DNAJC16: variants seen among roughly 807,000 people sequenced by gnomAD.
DNAJC16 encodes dnaJ homolog subfamily C member 16.
Under a neutral mutation model 92.7 loss-of-function variants are expected in DNAJC16, and 76 were observed. The ratio of observed to expected loss-of-function variants is 0.82; its 90% CI spans 0.68 to 0.99. DNAJC16 has a LOEUF of 0.99. DNAJC16 is among the 50% of genes least tolerant of loss of function. DNAJC16 has a pLI of 0.00. For synonymous variants in DNAJC16, 328 were observed against 358.7 expected (o/e 0.91, Z 0.97); for missense variants, 869 against 942.4 (o/e 0.92, Z 1.02).
chr1:15,541,258 G>A (rs189018417), intron 4 of DNAJC16, among the ~76,000 whole-genome samples: 42 of 152,258 alleles, frequency 2.8e-4, no homozygotes, highest in Admixed American at 2.5e-3. Context: ...CAATGTATGT[G>A]CCTGCTTTAT....
At chr1:15,563,479 A>G (rs1638735779) in intron 9 of DNAJC16, among the ~76,000 whole-genome samples, 1 of 151,696 alleles carries the variant, frequency 6.6e-6, no homozygotes, top group Non-Finnish European at 1.5e-5. Context: ...CAGTGAGCCA[A>G]GATCGCACCA....
chr1:15,565,748 C>T (rs1638791577), intron 11 of DNAJC16, 171 bp from the exon 12 acceptor site: 1 of 662,468 alleles, frequency 1.5e-6, no homozygotes, highest in African/African-American at 1.8e-5. Flanking sequence ...ACTGAGCAAT[C>T]TCTACCTTCC....
intron 3 of DNAJC16, among the ~76,000 whole-genome samples, chr1:15,535,530 C>T (rs192848656): frequency 6.6e-6 from 1 of 152,112 alleles, no homozygotes; most frequent in Admixed American, 6.5e-5. Flanking sequence ...GCATGCAGAT[C>T]GCTTAAGCTG....
chr1:15,541,251 T>C (rs1193336336), intron 4 of DNAJC16, among the ~76,000 whole-genome samples: 1 of 152,200 alleles, frequency 6.6e-6, no homozygotes, highest in Non-Finnish European at 1.5e-5. Flanking sequence ...AATCTCCCAA[T>C]GTATGTGCCT....
chr1:15,559,465 G>A lies in DNAJC16; in HGVS notation c.1024-61G>A, dbSNP rs981961610. Reference sequence around the variant, plus strand: ...TTTATTAAGCTGGTAAGTAAAGAAAGCCCATCTATTTGCATTGAGAACACT... The same window carrying A: ...TTTATTAAGCTGGTAAGTAAAGAAAACCCATCTATTTGCATTGAGAACACT... On this transcript the variant is annotated intron_variant, in intron 7 of 14. Coordinates refer to ENST00000375847, the MANE Select transcript of DNAJC16 (RefSeq NM_015291.4). 4.8e-5 allele frequency: 77 copies of A among 1,598,262 alleles called. No individual in the cohort carries two copies. In the African/African-American group the frequency reaches 1.0e-3, roughly 21 times the overall value.
In DNAJC16 at chr1:15,534,257, A is replaced by G; in HGVS notation, c.188A>G (p.Asp63Gly). 6.2e-7 allele frequency: 1 copy of G among 1,614,106 alleles called. No individual in the cohort carries two copies. The highest frequency in any genetic ancestry group is 8.5e-7 in the Non-Finnish European group (1 of 1,179,976). Reference sequence around the variant, plus strand: ...TTCAGGCATCCTGACAAAAACAAAGATCCTGGAGCAGAAGACAAGTTCATT... The same window carrying G: ...TTCAGGCATCCTGACAAAAACAAAGGTCCTGGAGCAGAAGACAAGTTCATT... Reference protein sequence around the residue: ...AREWHPDKNKDPGAEDKFIQI... With the variant: ...AREWHPDKNKGPGAEDKFIQI... The change falls in exon 3 of 15, where the codon GAT (aspartate) becomes GGT (glycine). Residue 63 changes from aspartate (D) to glycine (G), a missense_variant. Physicochemically the swap from Asp to Gly is moderately conservative, Grantham distance 94. Transcript: ENST00000375847.
At chr1:15,535,429 C>T (rs989306460) in intron 3 of DNAJC16, among the ~76,000 whole-genome samples, 16 of 152,318 alleles carry the variant, frequency 1.1e-4, no homozygotes, top group African/African-American at 3.6e-4. Context: ...AAGAGTTTCT[C>T]ATTCTTTTGA....
intron 7 of DNAJC16, among the ~76,000 whole-genome samples, chr1:15,554,033 G>A (rs1345257910): frequency 6.6e-6 from 1 of 151,974 alleles, no homozygotes; most frequent in African/African-American, 2.4e-5. Flanking sequence ...GCAAAACCTT[G>A]TCTCTACAAA....
At chr1:15,533,521 G>A (rs977090869) in intron 2 of DNAJC16, among the ~76,000 whole-genome samples, 6 of 152,058 alleles carry the variant, frequency 3.9e-5, no homozygotes, top group Admixed American at 6.6e-5. Context: ...CCAGCTACTC[G>A]GGAGGCTGAG....
At chr1:15,529,613 T>G (rs1035881365) in intron 2 of DNAJC16, among the ~76,000 whole-genome samples, 1 of 151,786 alleles carries the variant, frequency 6.6e-6, no homozygotes, top group African/African-American at 2.4e-5. Flanking sequence ...TGATACATTA[T>G]TCATAAAGTA....
intron 7 of DNAJC16, among the ~76,000 whole-genome samples, chr1:15,554,124 G>T (rs1385466044): frequency 6.6e-6 from 1 of 151,932 alleles, no homozygotes; most frequent in Admixed American, 6.6e-5. Flanking sequence ...AATTGCTTCA[G>T]CCCGGGAGGT....
At chr1:15,527,993 A>G (rs1329054980) in intron 1 of DNAJC16, among the ~76,000 whole-genome samples, 1 of 152,264 alleles carries the variant, frequency 6.6e-6, no homozygotes, top group Non-Finnish European at 1.5e-5. Flanking sequence ...CAAAATTCAC[A>G]ATGAATTAAG....
At position 15,536,532 on chromosome 1, in the gene DNAJC16, AACCAGGGCT is replaced by A; in HGVS notation, c.298_306del (p.Gly100_Gln102del). On this transcript the variant is annotated inframe_deletion, in exon 4 of 15. Transcript: ENST00000375847. Reference sequence around the variant, plus strand: ...TGATCAATATGGAGACGCTGGAGAGAACCAGGGCTACCAGAAGCAGCAACAGCAGCGAGA... The same window carrying A: ...TGATCAATATGGAGACGCTGGAGAGAACCAGAAGCAGCAACAGCAGCGAGA... The A allele has an allele frequency of 6.2e-7, 1 of 1,614,170 alleles. No homozygotes were observed. The highest frequency in any genetic ancestry group is 1.3e-5 in the African/African-American group (1 of 75,044).
chr1:15,566,077 T>G lies in DNAJC16; in HGVS notation c.1680-5T>G, dbSNP rs1344264690. 1.2e-6 allele frequency: 2 copies of G among 1,613,390 alleles called. No homozygotes were observed. Among genetic ancestry groups the G allele is most frequent in the Admixed American group, 3.3e-5 (2 of 59,762 alleles). ...TTTTGTAAAACTCCTTTTTTCTTAC[T>G]TTAGCGACTCTAATGATGAGCGAGA... On this transcript the variant is annotated splice_polypyrimidine_tract_variant and splice_region_variant and intron_variant, in intron 12 of 14. Coordinates refer to ENST00000375847, the MANE Select transcript of DNAJC16 (RefSeq NM_015291.4).
At chr1:15,532,285 A>G (rs1162910851) in intron 2 of DNAJC16, among the ~76,000 whole-genome samples, 3 of 152,244 alleles carry the variant, frequency 2.0e-5, no homozygotes, top group African/African-American at 7.2e-5. Context: ...TACACGCAAT[A>G]TTTCCTCTAC....
intron 2 of DNAJC16, 70 bp downstream of exon 2, chr1:15,529,342 T>G: frequency 7.0e-7 from 1 of 1,438,814 alleles, no homozygotes; most frequent in East Asian, 2.3e-5. Context: ...GTCTAAATTA[T>G]GACTAGCTTT....
chr1:15,534,162 C>A, intron 2 of DNAJC16, 75 bp from the exon 3 acceptor site: 1 of 1,513,194 alleles, frequency 6.6e-7, no homozygotes, highest in Non-Finnish European at 9.1e-7. Flanking sequence ...GTAGTGAACT[C>A]TGTGGACAAG....
intron 14 of DNAJC16, 134 bp downstream of exon 14, chr1:15,567,403 A>G (rs1183886053): frequency 3.3e-6 from 3 of 909,822 alleles, no homozygotes; most frequent in South Asian, 3.4e-5. Flanking sequence ...GACCTTTCCA[A>G]TCCAGACATC....
chr1:15,563,807 G>T, intron 9 of DNAJC16, 122 bp from the exon 10 acceptor site: 2 of 944,048 alleles, frequency 2.1e-6, no homozygotes, highest in Non-Finnish European at 3.1e-6. Flanking sequence ...CCAAGATCAC[G>T]CCACTGCACT....
Sources: allele counts gnomAD v4.1 joint callset (sites outside exome capture counted in the v4.1 genomes callset), GRCh38; gene constraint gnomAD v4.1.1; transcripts MANE v1.5; gene names NCBI Gene and HGNC (gene_info 2026-07-23, HGNC 2026-07-21).